The following KRT85 variants were observed in gnomAD, a reference collection of about 807,000 sequenced individuals.
KRT85 encodes the protein keratin, type II cuticular Hb5.
KRT85 carries 39 observed loss-of-function variants against 53.7 expected under a neutral mutation model. That is an observed-to-expected ratio of 0.73 (90% CI 0.56 to 0.95). KRT85 has a LOEUF of 0.95. Among genes scored for constraint, KRT85 ranks in the 40% least tolerant of loss-of-function variants. The pLI, the probability that KRT85 is intolerant of heterozygous loss-of-function variation, is 0.00. For synonymous variants in KRT85, 291 were observed against 277.5 expected, an observed-to-expected ratio of 1.05 and a Z score of -0.48; for missense variants, 668 against 686.0, an observed-to-expected ratio of 0.97 and a Z score of 0.29.
rs761696375 is a variant in KRT85 at position 52,362,239 on chromosome 12, T to G, written c.1298+12A>C. On this transcript the variant is annotated intron_variant, in intron 7 of 8. Transcript: ENST00000257901. The stretch of plus-strand genomic sequence containing the variant: ...CCACCTCTGAAACCCCACAAAGTCC[T>G]CTTAGCCCCACCTGTGTTCCTCGCC... 6.2e-7 allele frequency: 1 copy of G among 1,613,986 alleles called. No individual in the cohort carries two copies. The highest frequency in any genetic ancestry group is 1.1e-5 in the South Asian group (1 of 91,072).
chr12:52,365,670 A>C (rs1201319216), intron 1 of KRT85, among the ~76,000 whole-genome samples: 3 of 152,108 alleles, frequency 2.0e-5, no homozygotes, highest in African/African-American at 7.2e-5. Flanking sequence ...TCCATGTCTA[A>C]TGTCTGTGTC....
At chr12:52,364,030 C>CA in intron 4 of KRT85, 38 bp downstream of exon 4, 1 of 1,533,800 alleles carries the variant, frequency 6.5e-7, no homozygotes, top group Non-Finnish European at 9.0e-7. Context: ...CAAAACACCC[C>CA]TCCACCTGCC....
chr12:52,362,729 A>G, intron 6 of KRT85, 125 bp downstream of exon 6: 1 of 1,483,238 alleles, frequency 6.7e-7, no homozygotes. Flanking sequence ...ATTGCTGTGA[A>G]ATATGATAGA....
At chr12:52,363,057 G>T in intron 5 of KRT85, 78 bp from the exon 6 acceptor site, 2 of 1,608,840 alleles carry the variant, frequency 1.2e-6, no homozygotes, top group South Asian at 1.1e-5. Context: ...GACTATACAG[G>T]TTGTACGGTG....
At chr12:52,362,702 G>A (rs1939210967) in intron 6 of KRT85, 152 bp downstream of exon 6, 1 of 1,348,070 alleles carries the variant, frequency 7.4e-7, no homozygotes. Flanking sequence ...TCCTTTGGAA[G>A]TCAGTGACAT....
Position 52,363,311 on chromosome 12 carries a change from T to G in KRT85, c.886A>C (p.Lys296Gln). 1.2e-6 allele frequency: 2 copies of G among 1,614,120 alleles called. No homozygotes were observed. The highest frequency in any genetic ancestry group is 1.7e-6 in the Non-Finnish European group (2 of 1,179,964). ...LNMDCIIAEIKAQYDDVASRS... is the reference protein window; with the variant it reads ...LNMDCIIAEIQAQYDDVASRS... ...CTGGCAACATCGTCATACTGAGCCT[T>G]GATCTCAGCGATGATGCAGTCCATG... The change falls in exon 5 of 9, where the codon AAG (lysine) becomes CAG (glutamine). Residue 296 changes from lysine to glutamine, a missense_variant. Physicochemically the swap from Lys to Gln is moderately conservative, Grantham distance 53 (BLOSUM62 1). Around this residue, in one of 3 missense-constraint regions of KRT85, gnomAD observed 488 missense variants for 498.1 expected, o/e 0.98. Coordinates refer to ENST00000257901, the MANE Select transcript of KRT85 (RefSeq NM_002283.4).
chr12:52,361,123 G>T, intron 8 of KRT85, 77 bp from the exon 9 acceptor site: 1 of 1,270,786 alleles, frequency 7.9e-7, no homozygotes, highest in Non-Finnish European at 1.1e-6. Context: ...CCAGGGCACT[G>T]CAGGAGCTGC....
chr12:52,360,948 T>C lies in KRT85; in HGVS notation c.1429A>G (p.Ser477Gly). The change falls in exon 9 of 9, where the codon AGC becomes GGC. Residue 477 changes from serine to glycine, a missense_variant. By Grantham distance (56) the Ser-to-Gly change is moderately conservative (BLOSUM62 0). This residue lies in a region of KRT85 where 488 missense variants were observed against 498.1 expected (regional missense o/e 0.98). Transcript: ENST00000257901. ...ITSGPSAIGG[S>G]ITVVAPDSCA... ...GAGTCAGGGGCCACCACCGTGATGC[T>C]GCCGCCTATGGCTGAGGGGCCAGAA... is the stretch of plus-strand genomic sequence containing the variant. The C allele has an allele frequency of 6.2e-7, 1 of 1,612,998 alleles. No individual in the cohort carries two copies. The highest frequency in any genetic ancestry group is 8.5e-7 in the Non-Finnish European group (1 of 1,179,874).
intron 8 of KRT85, among the ~76,000 whole-genome samples, 182 bp from the exon 9 acceptor site, chr12:52,361,228 C>T (rs1402030811): frequency 6.6e-6 from 1 of 151,966 alleles, no homozygotes; most frequent in Non-Finnish European, 1.5e-5. Flanking sequence ...AAGTGAGGAC[C>T]CCTGGACCCC....
chr12:52,364,686 G>T (rs1939246000), intron 2 of KRT85: 2 of 1,434,900 alleles, frequency 1.4e-6, no homozygotes, highest in East Asian at 2.5e-5. Flanking sequence ...ATGTCATAAA[G>T]GTAAGCTGTG....
At chr12:52,364,511 T>C (rs1939243607) in intron 2 of KRT85, 145 bp from the exon 3 acceptor site, 4 of 1,524,454 alleles carry the variant, frequency 2.6e-6, no homozygotes, top group South Asian at 1.3e-5. Context: ...ATTTTTTGTA[T>C]TATTCATGGG....
intron 6 of KRT85, 66 bp from the exon 7 acceptor site, chr12:52,362,537 A>T: frequency 6.3e-7 from 1 of 1,581,698 alleles, no homozygotes; most frequent in Non-Finnish European, 8.6e-7. Flanking sequence ...ACCCAAGCTG[A>T]TGGAGCCAGG....
chr12:52,361,564 T>C (rs1939191501), intron 7 of KRT85, 66 bp from the exon 8 acceptor site: 12 of 1,471,792 alleles, frequency 8.2e-6, no homozygotes, highest in Admixed American at 3.3e-5. Context: ...TGATGGTTGC[T>C]TGGGGACAGA....
In KRT85 at chr12:52,360,882, C is replaced by T. The variant is rs369866738; in HGVS notation, c.1495G>A (p.Gly499Arg). 3.7e-5 allele frequency: 60 copies of T among 1,612,330 alleles called. No individual in the cohort carries two copies. Among genetic ancestry groups the T allele is most frequent in the East Asian group, 4.5e-5 (2 of 44,882 alleles). ...CQPRSSSFSC[G>R]SSRSVRFA ...GCAAAGCGGACCGACCGGCTACTCC[C>T]GCAGCTGAAGCTGGAGGAACGAGGC... Residue 499 changes from glycine (G) to arginine (R), a missense_variant, in exon 9 of 9, where the codon GGG becomes AGG. Gly to Arg is a moderately radical substitution (Grantham distance 125). This residue lies in a region of KRT85 where 488 missense variants were observed against 498.1 expected (regional missense o/e 0.98). Transcript: ENST00000257901.
chr12:52,364,992 A>G lies in KRT85; in HGVS notation c.599T>C (p.Val200Ala). ...CTTGTAGCCCTCCAGCACCTCCTGCACATGGTTGAGCTCTGAGGCCAGCCT... is the reference window on the plus strand; with the variant it reads ...CTTGTAGCCCTCCAGCACCTCCTGCGCATGGTTGAGCTCTGAGGCCAGCCT... ...SGRLASELNH[V>A]QEVLEGYKKK... The change falls in exon 2 of 9, where the codon GTG becomes GCG. Residue 200 changes from valine to alanine, a missense_variant. This residue lies in a region of KRT85 where 488 missense variants were observed against 498.1 expected (regional missense o/e 0.98). Transcript: ENST00000257901. 3.7e-6 allele frequency: 6 copies of G among 1,612,924 alleles called. No homozygotes were observed. The highest frequency in any genetic ancestry group is 5.1e-6 in the Non-Finnish European group (6 of 1,179,988).
rs529513894 is a variant in KRT85, at chr12:52,363,283, C to T, written c.914G>A (p.Arg305His). The change falls in exon 5 of 9, where the codon CGC becomes CAC. Residue 305 changes from arginine to histidine, a missense_variant. By Grantham distance (29) the Arg-to-His change is conservative. Around this residue, in one of 3 missense-constraint regions of KRT85, gnomAD observed 488 missense variants for 498.1 expected, o/e 0.98. Coordinates refer to ENST00000257901, the MANE Select transcript of KRT85 (RefSeq NM_002283.4). ...CCAGGACTCAGCCTCGGCCCGGCTG[C>T]GGCTGGCAACATCGTCATACTGAGC... ...IKAQYDDVASRSRAEAESWYR... is the reference protein window; with the variant it reads ...IKAQYDDVASHSRAEAESWYR... 3.0e-5 allele frequency: 49 copies of T among 1,614,182 alleles called. No individual in the cohort carries two copies. In the African/African-American group the frequency reaches 3.5e-4, roughly 11 times the overall value.
In KRT85 at chr12:52,367,449, C is replaced by T. The variant is rs767468180; in HGVS notation, c.-44G>A. ...GTCTGAGAGGCAGCGGAAGGTGGTG[C>T]GGGCGGCAGAGTGCGAGGCTCAGGA... On this transcript the variant is annotated 5_prime_UTR_variant, in exon 1 of 9. Coordinates refer to ENST00000257901, the MANE Select transcript of KRT85 (RefSeq NM_002283.4). The T allele has an allele frequency of 3.1e-6, 5 of 1,603,460 alleles. No individual in the cohort carries two copies. The African/African-American group carries it at 4.0e-5, about 13-fold the overall frequency.
intron 1 of KRT85, among the ~76,000 whole-genome samples, chr12:52,365,937 C>T (rs1939264925): frequency 6.6e-6 from 1 of 152,228 alleles, no homozygotes; most frequent in Non-Finnish European, 1.5e-5. Context: ...CAACCCGTCA[C>T]TGTGAGGATG....
intron 1 of KRT85, 85 bp from the exon 2 acceptor site, chr12:52,365,255 G>T: frequency 7.3e-7 from 1 of 1,374,504 alleles, no homozygotes; most frequent in Non-Finnish European, 1.0e-6. Flanking sequence ...CTCGGGTGCT[G>T]GCTGAATGGG....
Sources: gnomAD v4.1 joint callset for allele counts (sites outside exome capture counted in the v4.1 genomes callset) on GRCh38, gnomAD v4.1.1 for gene constraint, gnomAD v4.1.1 regional missense constraint, MANE v1.5 for transcripts, NCBI Gene and HGNC (gene_info 2026-07-23, HGNC 2026-07-21) for gene names.